Variants in SLC12A6 observed in about 807,000 individuals in gnomAD.
The protein encoded by SLC12A6 is K-Cl cotransporter 3.
A neutral mutation model predicts 135.3 loss-of-function variants in SLC12A6; 66 were observed. The ratio of observed to expected loss-of-function variants is 0.49; its 90% CI spans 0.40 to 0.60. The LOEUF (loss-of-function observed/expected upper bound fraction) is 0.60, where lower values mean the gene tolerates loss of function less well. Among genes scored for constraint, SLC12A6 ranks in the 20% least tolerant of loss-of-function variants. SLC12A6 has a pLI of 0.00. For synonymous variants in SLC12A6, 513 were observed against 508.8 expected, an observed-to-expected ratio of 1.01 and a Z score of -0.11; for missense variants, 1,058 against 1,452.3, an observed-to-expected ratio of 0.73 and a Z score of 4.41.
intron 2 of SLC12A6, among the ~76,000 whole-genome samples, chr15:34,321,876 T>A (rs1009204931): frequency 6.6e-6 from 1 of 152,190 alleles, no homozygotes; most frequent in Admixed American, 6.5e-5. Flanking sequence ...GTACATAATA[T>A]GTGAATCCAC....
intron 16 of SLC12A6, 75 bp downstream of exon 16, chr15:34,243,899 G>T: frequency 1.1e-6 from 1 of 910,960 alleles, no homozygotes; most frequent in Non-Finnish European, 1.9e-6. Context: ...CGAGAACCCA[G>T]ACTCTCCTAG....
At chr15:34,305,069 A>G (rs1896510238) in intron 2 of SLC12A6, among the ~76,000 whole-genome samples, 1 of 152,174 alleles carries the variant, frequency 6.6e-6, no homozygotes, top group Non-Finnish European at 1.5e-5. Context: ...ATACTCTTCT[A>G]CCATCTCCTA....
intron 2 of SLC12A6, among the ~76,000 whole-genome samples, chr15:34,324,650 T>G (rs1339658799): frequency 1.3e-5 from 2 of 152,148 alleles, no homozygotes; most frequent in African/African-American, 4.8e-5. Context: ...GTGAAAAGAT[T>G]GAAACAATTA....
chr15:34,304,551 T>C (rs142847485), intron 2 of SLC12A6, among the ~76,000 whole-genome samples: 1 of 152,350 alleles, frequency 6.6e-6, no homozygotes, highest in Admixed American at 6.5e-5. Flanking sequence ...CAACACTTGA[T>C]ATCTGTCTTT....
At chr15:34,266,986 T>C (rs992668755) in intron 3 of SLC12A6, among the ~76,000 whole-genome samples, 1 of 152,190 alleles carries the variant, frequency 6.6e-6, no homozygotes, top group Non-Finnish European at 1.5e-5. Context: ...TCATCCTCTA[T>C]CTCTCCCACT....
In SLC12A6 at chr15:34,237,286, T is replaced by TG. The variant is rs1008837754; in HGVS notation, c.2934+132dup. On this transcript the variant is annotated intron_variant, in intron 22 of 25. Coordinates refer to ENST00000354181, the MANE Select transcript of SLC12A6 (RefSeq NM_001365088.1). ...AGGGCAACAAATTAGGGTTTTTTTT[T>TG]GTTTTTTTTTTGGCACTAGGGGATT... The TG allele has an allele frequency of 1.8e-4, 107 of 588,668 alleles. 1 individual carries two copies. Among genetic ancestry groups the TG allele is most frequent in the East Asian group, 9.4e-4 (28 of 29,724 alleles). The allele number at this position is 588,668 out of a possible 1,614,324, so 36.5% of individuals were successfully genotyped here.
At chr15:34,248,294 A>G (rs77994514) in intron 13 of SLC12A6, among the ~76,000 whole-genome samples, 8,520 of 152,300 alleles carry the variant, frequency 0.056, 287 homozygotes, top group Non-Finnish European at 0.073. Flanking sequence ...ATAAATAAGA[A>G]TAACACTACT....
At chr15:34,310,382 G>A (rs192193831) in intron 2 of SLC12A6, among the ~76,000 whole-genome samples, 111 of 136,508 alleles carry the variant, frequency 8.1e-4, no homozygotes, top group Non-Finnish European at 1.4e-3. Context: ...GTGTGTCCCT[G>A]TGTCCAGGCT....
chr15:34,254,366 AAAG>A lies in SLC12A6; in HGVS notation c.1097_1099del (p.Ser366del), dbSNP rs779390859. 366 of 1,613,834 alleles carry A rather than the reference AAAG, an allele frequency of 2.3e-4. No homozygotes were observed. The highest frequency in any genetic ancestry group is 2.8e-4 in the Non-Finnish European group (334 of 1,179,812). On this transcript the variant is annotated inframe_deletion, in exon 9 of 26. Transcript: ENST00000354181. ...CACGTACGGGAAGTGTGGAGGAGCA[AAAG>A]AAGACTTGATGGCTCCAGCATAGAT...
intron 2 of SLC12A6, among the ~76,000 whole-genome samples, chr15:34,298,497 A>C (rs1896028051): frequency 6.6e-6 from 1 of 151,764 alleles, no homozygotes; most frequent in African/African-American, 2.4e-5. Flanking sequence ...TAAATAAATA[A>C]ATAAAATAAA....
chr15:34,243,140 C>A (rs1165443059), intron 16 of SLC12A6, among the ~76,000 whole-genome samples: 2 of 152,152 alleles, frequency 1.3e-5, no homozygotes, highest in Non-Finnish European at 2.9e-5. Context: ...GATCCGCCTG[C>A]CTTGGCCTCC....
intron 2 of SLC12A6, among the ~76,000 whole-genome samples, chr15:34,291,967 T>G (rs1035470469): frequency 6.6e-6 from 1 of 152,128 alleles, no homozygotes; most frequent in Non-Finnish European, 1.5e-5. Context: ...ATTACCGACC[T>G]TCTGAAGCCT....
chr15:34,336,706 G>C lies in SLC12A6; in HGVS notation c.-26C>G, dbSNP rs886051057. ...TTTGTTCTTTTTAAGAACAAAAAAA[G>C]TGGGGGGAACCTCGCAAAATCTTCC... On this transcript the variant is annotated 5_prime_UTR_variant, in exon 2 of 26. Coordinates refer to ENST00000354181, the MANE Select transcript of SLC12A6 (RefSeq NM_001365088.1). 32 of 1,611,050 alleles carry C rather than the reference G, an allele frequency of 2.0e-5. No individual in the cohort carries two copies. In the East Asian group the frequency reaches 6.9e-4, roughly 35 times the overall value.
chr15:34,230,782 G>A lies in SLC12A6; in HGVS notation c.*3099C>T, dbSNP rs1413954225. On this transcript the variant is annotated 3_prime_UTR_variant, in exon 26 of 26. Transcript: ENST00000354181. ...ATACACACATGAAATACTCTAGACAGACATGAATATAAATCTGGCCTAATA... is the reference window on the plus strand; with the variant it reads ...ATACACACATGAAATACTCTAGACAAACATGAATATAAATCTGGCCTAATA... The A allele has an allele frequency of 2.0e-5, 3 of 152,650 alleles. No homozygotes were observed. The highest frequency in any genetic ancestry group is 7.2e-5 in the African/African-American group (3 of 41,448). The allele number at this position is 152,650 out of a possible 1,614,324, so 9.5% of individuals were successfully genotyped here. A position where few individuals can be genotyped will look rare whatever the true frequency, so the allele number is the denominator to read the frequency against.
At chr15:34,248,663 A>G (rs969831559) in intron 13 of SLC12A6, among the ~76,000 whole-genome samples, 2 of 152,032 alleles carry the variant, frequency 1.3e-5, no homozygotes, top group Non-Finnish European at 2.9e-5. Context: ...TGCATCTGTT[A>G]GGCTTCGAGT....
chr15:34,299,990 C>A (rs929531304), intron 2 of SLC12A6, among the ~76,000 whole-genome samples: 1 of 151,690 alleles, frequency 6.6e-6, no homozygotes, highest in African/African-American at 2.4e-5. Flanking sequence ...ATGGAGAGAA[C>A]GGGACAAATT....
At chr15:34,247,912 T>C (rs762071058) in intron 13 of SLC12A6, among the ~76,000 whole-genome samples, 2 of 152,192 alleles carry the variant, frequency 1.3e-5, no homozygotes, top group Non-Finnish European at 2.9e-5. Context: ...CTATGTTGCC[T>C]AGGCTGGTCT....
chr15:34,322,770 G>C (rs1889187166), intron 2 of SLC12A6, among the ~76,000 whole-genome samples: 1 of 151,748 alleles, frequency 6.6e-6, no homozygotes, highest in South Asian at 2.1e-4. Context: ...TTGAGGTCAG[G>C]AGTTTGAGAC....
rs776905512 is a variant in SLC12A6, at chr15:34,258,837, A to G, written c.519T>C (p.Thr173=). The G allele has an allele frequency of 6.2e-7, 1 of 1,613,554 alleles. No individual in the cohort carries two copies. Among genetic ancestry groups the G allele is most frequent in the African/African-American group, 1.3e-5 (1 of 74,962 alleles). ...CCTTGGTGGGCTTCTTTTTCCCTTC[A>G]GTGATGTTTTCTGCCTCTTCATGTT... ...AKEHEEAENI[T]EGKKKPTKTP... Residue 173 remains threonine (T), a synonymous_variant, in exon 5 of 26, where the codon ACT becomes ACC. Transcript: ENST00000354181.
Sources: allele counts gnomAD v4.1 joint callset (sites outside exome capture counted in the v4.1 genomes callset), GRCh38; gene constraint gnomAD v4.1.1; transcripts MANE v1.5; gene names NCBI Gene and HGNC (gene_info 2026-07-23, HGNC 2026-07-21).